The following STAC variants were observed in gnomAD, a reference collection of about 807,000 sequenced individuals.
STAC encodes SH3 and cysteine-rich domain-containing protein.
Under a neutral mutation model 48.8 loss-of-function variants are expected in STAC, and 43 were observed. That is an observed-to-expected ratio of 0.88 (90% CI 0.69 to 1.14). STAC has a LOEUF of 1.14. Ranked by LOEUF, STAC falls within the 50% of genes most tolerant of loss-of-function variation. The probability of loss-of-function intolerance (pLI) is 0.00; values close to 1 mark genes in which losing one functional copy is unlikely to be tolerated. For missense variants in STAC, 497 were observed against 504.0 expected (o/e 0.99, Z 0.13); for synonymous variants, 193 against 179.5 (o/e 1.07, Z -0.60).
intron 1 of STAC, among the ~76,000 whole-genome samples, chr3:36,385,573 A>G (rs1240213407): frequency 6.6e-6 from 1 of 152,090 alleles, no homozygotes; most frequent in African/African-American, 2.4e-5. Context: ...TGAATTTTCA[A>G]AAAGATAAAC....
intron 1 of STAC, among the ~76,000 whole-genome samples, chr3:36,394,726 G>T (rs1018792083): frequency 1.3e-5 from 2 of 151,952 alleles, no homozygotes; most frequent in African/African-American, 4.8e-5. Context: ...GCAAAACTCT[G>T]TATCTACTAA....
intron 2 of STAC, among the ~76,000 whole-genome samples, chr3:36,469,698 C>T (rs181990753): frequency 2.6e-5 from 4 of 152,254 alleles, no homozygotes; most frequent in Admixed American, 1.3e-4. Context: ...TTCTCTTCTT[C>T]CCCGGGAAGC....
chr3:36,532,739 G>C (rs1159906219), intron 10 of STAC, among the ~76,000 whole-genome samples: 1 of 152,146 alleles, frequency 6.6e-6, no homozygotes, highest in Admixed American at 6.5e-5. Flanking sequence ...TGGATGTGAT[G>C]ACCTGTTTTG....
At chr3:36,488,623 T>C (rs1697880339) in intron 5 of STAC, among the ~76,000 whole-genome samples, 1 of 54,124 alleles carries the variant, frequency 1.8e-5, no homozygotes, top group South Asian at 4.0e-4. Context: ...CCTACAGATA[T>C]TGCAAATCAG....
chr3:36,514,512 T>C (rs553244696), intron 8 of STAC, among the ~76,000 whole-genome samples: 38 of 152,300 alleles, frequency 2.5e-4, no homozygotes, highest in Admixed American at 4.6e-4. Context: ...TGTATTTATA[T>C]ATTTCTGGAA....
Position 36,513,548 on chromosome 3 carries a change from A to G in STAC, c.920+7714A>G, listed in dbSNP as rs543872341. Among the ~76,000 whole-genome samples, 200 of 152,270 alleles carry G rather than the reference A, an allele frequency of 1.3e-3. 1 individual carries two copies. The highest frequency in any genetic ancestry group is 3.4e-3 in the Middle Eastern group (1 of 294). On this transcript the variant is annotated intron_variant, in intron 8 of 10. Coordinates refer to ENST00000273183, the MANE Select transcript of STAC (RefSeq NM_003149.3). ...CTATGGGTGATAGTGCACTAAGGTAACAGTACAGTGTTCTGGGCTTCATCT... is the reference window on the plus strand; with the variant it reads ...CTATGGGTGATAGTGCACTAAGGTAGCAGTACAGTGTTCTGGGCTTCATCT...
At chr3:36,421,086 C>T (rs1700438331) in intron 1 of STAC, among the ~76,000 whole-genome samples, 1 of 152,096 alleles carries the variant, frequency 6.6e-6, no homozygotes, top group African/African-American at 2.4e-5. Flanking sequence ...ACCCATTTTC[C>T]TGTCTATATG....
intron 2 of STAC, among the ~76,000 whole-genome samples, chr3:36,451,901 G>A (rs1292661308): frequency 6.6e-6 from 1 of 152,174 alleles, no homozygotes; most frequent in Non-Finnish European, 1.5e-5. Context: ...GGAGCAAATT[G>A]TGATGGATCC....
At chr3:36,394,037 G>A (rs944869648) in intron 1 of STAC, among the ~76,000 whole-genome samples, 12 of 152,038 alleles carry the variant, frequency 7.9e-5, no homozygotes, top group African/African-American at 2.4e-4. Context: ...TTTGTGAAGA[G>A]CAGCTACAAA....
chr3:36,484,936 C>G, intron 3 of STAC, 41 bp from the exon 4 acceptor site: 1 of 1,510,014 alleles, frequency 6.6e-7, no homozygotes, highest in Non-Finnish European at 9.0e-7. Flanking sequence ...TTCTCCATCT[C>G]CAGTGACATT....
chr3:36,504,125 T>G (rs1011755200), intron 6 of STAC, among the ~76,000 whole-genome samples: 4 of 152,096 alleles, frequency 2.6e-5, no homozygotes, highest in African/African-American at 9.7e-5. Flanking sequence ...AACACACTAC[T>G]GCCAATCATT....
At chr3:36,424,009 C>T (rs775310306) in intron 1 of STAC, among the ~76,000 whole-genome samples, 17 of 152,072 alleles carry the variant, frequency 1.1e-4, no homozygotes, top group Non-Finnish European at 2.4e-4. Context: ...TGGATCTGTT[C>T]ATGTATCCTC....
At chr3:36,489,167 T>C (rs1697899563) in intron 5 of STAC, among the ~76,000 whole-genome samples, 1 of 152,220 alleles carries the variant, frequency 6.6e-6, no homozygotes, top group Admixed American at 6.5e-5. Flanking sequence ...TCATCTGCTT[T>C]TGTGTCTATT....
At chr3:36,493,264 C>T (rs750112327) in intron 6 of STAC, 35 bp downstream of exon 6, 35 of 1,604,974 alleles carry the variant, frequency 2.2e-5, no homozygotes, top group Non-Finnish European at 2.8e-5. Context: ...CAAATGTGAT[C>T]ACATGAGTCA....
At chr3:36,513,864 AAG>A (rs372071524) in intron 8 of STAC, among the ~76,000 whole-genome samples, 13 of 150,528 alleles carry the variant, frequency 8.6e-5, no homozygotes, top group Admixed American at 2.0e-4. Context: ...GGGAGGGGAG[AAG>A]AGAGAGAGAG....
intron 2 of STAC, among the ~76,000 whole-genome samples, chr3:36,449,052 G>C (rs917193250): frequency 2.0e-5 from 3 of 152,126 alleles, no homozygotes; most frequent in East Asian, 3.9e-4. Context: ...CCAGGAGTTC[G>C]AGGCTACGAT....
At chr3:36,495,182 A>G (rs578182734) in intron 6 of STAC, among the ~76,000 whole-genome samples, 1 of 152,338 alleles carries the variant, frequency 6.6e-6, no homozygotes, top group South Asian at 2.1e-4. Context: ...AATGAAGATA[A>G]TAACACCAAA....
chr3:36,432,728 A>G (rs1700736101), intron 1 of STAC, among the ~76,000 whole-genome samples: 1 of 151,804 alleles, frequency 6.6e-6, no homozygotes, highest in African/African-American at 2.4e-5. Context: ...CTGTCGCTTT[A>G]TTAAGCATCT....
At chr3:36,450,396 C>A (rs1476911579) in intron 2 of STAC, among the ~76,000 whole-genome samples, 1 of 152,242 alleles carries the variant, frequency 6.6e-6, no homozygotes, top group South Asian at 2.1e-4. Flanking sequence ...GGCAGCCTGA[C>A]ACAGATACCC....
Sources: gnomAD v4.1 joint callset for allele counts (sites outside exome capture counted in the v4.1 genomes callset) on GRCh38, gnomAD v4.1.1 for gene constraint, MANE v1.5 for transcripts, NCBI Gene and HGNC (gene_info 2026-07-23, HGNC 2026-07-21) for gene names.